Variants in SLF1 observed in about 807,000 individuals in gnomAD.
SLF1 encodes the protein SMC5/6 complex localization factor 1, also known as SMC5-SMC6 complex localization factor protein 1.
SLF1 carries 105 observed loss-of-function variants against 123.0 expected under a neutral mutation model. The ratio of observed to expected loss-of-function variants is 0.85; its 90% CI spans 0.73 to 1.00. The LOEUF (loss-of-function observed/expected upper bound fraction) is 1.00, where lower values mean the gene tolerates loss of function less well. Ranked by LOEUF, SLF1 falls within the 50% of genes least tolerant of loss-of-function variation. SLF1 has a pLI of 0.00. For missense variants in SLF1, 1,239 were observed against 1,223.0 expected (o/e 1.01, Z -0.20); for synonymous variants, 434 against 406.6 (o/e 1.07, Z -0.81).
At chr5:94,642,720 GTCT>G (rs1746581623) in intron 4 of SLF1, among the ~76,000 whole-genome samples, 1 of 152,006 alleles carries the variant, frequency 6.6e-6, no homozygotes, top group Non-Finnish European at 1.5e-5. Context: ...CCTTGTGTGT[GTCT>G]TCTTAGTCTA....
In SLF1 at chr5:94,628,912, T is replaced by C. The variant is rs1744908310; in HGVS notation, c.102T>C (p.Phe34=). The change falls in exon 2 of 21, where the codon TTT becomes TTC. Residue 34 remains phenylalanine, a synonymous_variant. Transcript: ENST00000265140. ...TACTTTTAAAACTAGATTGCACTTTTATTAAGAGTGAGGTAAGAAACTTAT... is the reference window on the plus strand; with the variant it reads ...TACTTTTAAAACTAGATTGCACTTTCATTAAGAGTGAGGTAAGAAACTTAT... ...VKLLLKLDCT[F]IKSEKYKNCT... is the part of the protein sequence containing the mutation. 8 of 1,543,428 alleles carry C rather than the reference T, an allele frequency of 5.2e-6. No individual in the cohort carries two copies. The highest frequency in any genetic ancestry group is 7.0e-6 in the Non-Finnish European group (8 of 1,143,052).
At chr5:94,677,186 A>C (rs868216048) in intron 14 of SLF1, among the ~76,000 whole-genome samples, 1 of 152,226 alleles carries the variant, frequency 6.6e-6, no homozygotes, top group South Asian at 2.1e-4. Flanking sequence ...GTACTATTCT[A>C]ATCCCTAAAA....
At chr5:94,668,870 C>A (rs1750117048) in intron 12 of SLF1, among the ~76,000 whole-genome samples, 1 of 152,184 alleles carries the variant, frequency 6.6e-6, no homozygotes, top group Non-Finnish European at 1.5e-5. Context: ...CTATGACTTT[C>A]TTAAAGAGAG....
At chr5:94,640,019 G>A (rs1161463612) in intron 4 of SLF1, among the ~76,000 whole-genome samples, 1 of 152,134 alleles carries the variant, frequency 6.6e-6, no homozygotes, top group Non-Finnish European at 1.5e-5. Context: ...ACTTTTGCTA[G>A]TCATTTACTT....
At chr5:94,661,265 G>A (rs951269370) in intron 9 of SLF1, among the ~76,000 whole-genome samples, 25 of 152,150 alleles carry the variant, frequency 1.6e-4, no homozygotes, top group African/African-American at 5.6e-4. Flanking sequence ...TGGGAATGTG[G>A]ATCTGTGTAG....
intron 19 of SLF1, 55 bp downstream of exon 19, chr5:94,691,711 A>G: frequency 2.3e-6 from 3 of 1,308,810 alleles, no homozygotes; most frequent in Non-Finnish European, 3.2e-6. Context: ...GTGATATTAA[A>G]CAGTTTTATA....
intron 7 of SLF1, among the ~76,000 whole-genome samples, chr5:94,652,126 G>A (rs1747811032): frequency 6.6e-6 from 1 of 151,690 alleles, no homozygotes; most frequent in Non-Finnish European, 1.5e-5. Context: ...TCCTGCCTCA[G>A]CCTCCCAAGT....
chr5:94,657,151 A>C (rs1372009387), intron 9 of SLF1, among the ~76,000 whole-genome samples: 1 of 150,676 alleles, frequency 6.6e-6, no homozygotes, highest in Non-Finnish European at 1.5e-5. Context: ...ATTATTTGAG[A>C]TCTTTCTACT....
intron 18 of SLF1, chr5:94,691,305 T>C: frequency 2.5e-6 from 1 of 398,232 alleles, no homozygotes; most frequent in South Asian, 3.6e-5. Flanking sequence ...AGACAATGCC[T>C]GTGTTAAACC....
At position 94,643,283 on chromosome 5, in the gene SLF1, G is replaced by C. The variant is rs1374202501; in HGVS notation, c.442G>C (p.Ala148Pro). ...TACATTTTTATTTAGAGTTTTGGAG[G>C]CTGGAAAGGCAAATGTTATTTTACC... ...RSDSLIRVLE[A>P]GKANVILPKS... Residue 148 changes from alanine (A) to proline (P), a missense_variant, in exon 5 of 21, where the codon GCT (alanine) becomes CCT (proline). Coordinates refer to ENST00000265140, the MANE Select transcript of SLF1 (RefSeq NM_032290.4). 1 of 1,533,452 alleles carries C rather than the reference G, an allele frequency of 6.5e-7. No homozygotes were observed. The highest frequency in any genetic ancestry group is 2.2e-5 in the Admixed American group (1 of 46,510). The allele number at this position is 1,533,452 out of a possible 1,614,324, so 95.0% of individuals were successfully genotyped here.
intron 4 of SLF1, among the ~76,000 whole-genome samples, chr5:94,632,723 CAG>C (rs1231722425): frequency 3.9e-5 from 6 of 152,000 alleles, no homozygotes; most frequent in African/African-American, 1.5e-4. Flanking sequence ...TATTTTGAGA[CAG>C]AGTCTCGGTC....
At chr5:94,639,319 C>A (rs758521834) in intron 4 of SLF1, among the ~76,000 whole-genome samples, 1 of 152,160 alleles carries the variant, frequency 6.6e-6, no homozygotes, top group Non-Finnish European at 1.5e-5. Context: ...GGATTACAGG[C>A]GTGAGCCACT....
At chr5:94,634,349 G>A (rs527681286) in intron 4 of SLF1, among the ~76,000 whole-genome samples, 2 of 152,056 alleles carry the variant, frequency 1.3e-5, no homozygotes, top group South Asian at 4.1e-4. Context: ...CCACCATTCT[G>A]CTCTCTGCAC....
chr5:94,623,958 A>G (rs1161558291), intron 1 of SLF1, among the ~76,000 whole-genome samples: 2 of 152,182 alleles, frequency 1.3e-5, no homozygotes, highest in African/African-American at 2.4e-5. Context: ...TTCACTTGTC[A>G]TATCATGTGC....
chr5:94,678,288 A>G (rs1751330044), intron 14 of SLF1: 1 of 152,316 alleles, frequency 6.6e-6, no homozygotes, highest in Non-Finnish European at 1.5e-5. Flanking sequence ...ATATAATTAA[A>G]TAATAAAAAT....
intron 9 of SLF1, among the ~76,000 whole-genome samples, chr5:94,659,572 A>G (rs111732217): frequency 1.6e-4 from 24 of 152,274 alleles, no homozygotes; most frequent in African/African-American, 5.8e-4. Flanking sequence ...TGTAGTCTCC[A>G]TATGATTTCT....
At chr5:94,673,163 C>A (rs901590417) in intron 14 of SLF1, among the ~76,000 whole-genome samples, 1 of 148,070 alleles carries the variant, frequency 6.8e-6, no homozygotes, top group African/African-American at 2.5e-5. Context: ...TTTTTTTAAT[C>A]TTTTCTTCCC....
intron 1 of SLF1, among the ~76,000 whole-genome samples, chr5:94,625,410 G>A (rs1393156865): frequency 6.6e-6 from 1 of 151,618 alleles, no homozygotes. Context: ...TTGAGACAGA[G>A]TCTCGCTCTG....
chr5:94,675,346 T>C (rs1040640398), intron 14 of SLF1, among the ~76,000 whole-genome samples: 4 of 152,236 alleles, frequency 2.6e-5, no homozygotes, highest in African/African-American at 9.6e-5. Flanking sequence ...GTCAACCTTT[T>C]ATTTCTTTGT....
Sources: allele counts gnomAD v4.1 joint callset (sites outside exome capture counted in the v4.1 genomes callset), GRCh38; gene constraint gnomAD v4.1.1; transcripts MANE v1.5; gene names NCBI Gene and HGNC (gene_info 2026-07-23, HGNC 2026-07-21).